The following HERC2 variants were observed in gnomAD, a reference collection of about 807,000 sequenced individuals.
The protein encoded by HERC2 is E3 ubiquitin-protein ligase HERC2.
In HERC2, 102 loss-of-function variants were observed where a neutral mutation model predicts 537.7. That is an observed-to-expected ratio of 0.19 (90% CI 0.16 to 0.22). The LOEUF is 0.22. Ranked by LOEUF, HERC2 falls within the 10% of genes least tolerant of loss-of-function variation. The pLI is 1.00. For missense variants in HERC2, 4,236 were observed against 6,198.2 expected (o/e 0.68, Z 10.63); for synonymous variants, 2,224 against 2,466.2 (o/e 0.90, Z 2.91).
chr15:28,248,434 T>C, intron 21 of HERC2, 118 bp downstream of exon 21: 1 of 646,324 alleles, frequency 1.5e-6, no homozygotes, highest in Non-Finnish European at 2.6e-6. Context: ...GCCCCAAAAT[T>C]GGTGCATTTA....
intron 69 of HERC2, among the ~76,000 whole-genome samples, chr15:28,159,761 T>C (rs1893384500): frequency 6.6e-6 from 1 of 152,240 alleles, no homozygotes; most frequent in African/African-American, 2.4e-5. Flanking sequence ...CCAGCTTTGT[T>C]CCATTGCTGG....
At chr15:28,269,478 C>A (rs1555447018) in intron 10 of HERC2, 42 bp from the exon 11 acceptor site, 5 of 1,500,486 alleles carry the variant, frequency 3.3e-6, no homozygotes, top group Admixed American at 3.6e-5. Context: ...ACAACAACAA[C>A]AATAAAAAAA....
chr15:28,285,489 C>G (rs2076131819), intron 4 of HERC2, among the ~76,000 whole-genome samples: 1 of 151,914 alleles, frequency 6.6e-6, no homozygotes, highest in African/African-American at 2.4e-5. Context: ...AAAATATATT[C>G]TGAACTGAGA....
intron 52 of HERC2, among the ~76,000 whole-genome samples, chr15:28,195,522 C>T (rs1395522998): frequency 7.2e-5 from 11 of 152,154 alleles, no homozygotes; most frequent in East Asian, 5.8e-4. Flanking sequence ...AAAAGGATGA[C>T]GTTCTGACAC....
At chr15:28,240,123 T>A (rs1902909259) in intron 23 of HERC2, among the ~76,000 whole-genome samples, 1 of 152,122 alleles carries the variant, frequency 6.6e-6, no homozygotes, top group South Asian at 2.1e-4. Context: ...AATTATGCTT[T>A]AAAATAATCC....
chr15:28,151,043 G>C (rs7496228), intron 70 of HERC2, among the ~76,000 whole-genome samples: 10,605 of 152,248 alleles, frequency 0.07, 898 homozygotes, highest in East Asian at 0.42. Context: ...TTATGCTCTT[G>C]TAGATGCAGT....
chr15:28,144,257 A>G lies in HERC2; in HGVS notation c.11141-22T>C, dbSNP rs1161272606. The G allele has an allele frequency of 3.1e-6, 5 of 1,609,582 alleles. No individual in the cohort carries two copies. The South Asian group carries it at 4.4e-5, about 14-fold the overall frequency. ...GGGCCTGTGAATGAACACTGTAAACATCCCCGGGTTTCACAAGCTAGGTAC... is the reference window on the plus strand; with the variant it reads ...GGGCCTGTGAATGAACACTGTAAACGTCCCCGGGTTTCACAAGCTAGGTAC... On this transcript the variant is annotated intron_variant, in intron 72 of 92. Coordinates refer to ENST00000261609, the MANE Select transcript of HERC2 (RefSeq NM_004667.6).
In HERC2 at chr15:28,152,661, G is replaced by A. The variant is rs766192909; in HGVS notation, c.10900+16C>T. ...TGGGAAAGGCTGCAGCTCCCCGCTG[G>A]GGCCAGCCCCTGTACCTGGTATCTT... On this transcript the variant is annotated intron_variant, in intron 70 of 92. Coordinates refer to ENST00000261609, the MANE Select transcript of HERC2 (RefSeq NM_004667.6). The A allele has an allele frequency of 6.5e-7, 1 of 1,528,230 alleles. No individual in the cohort carries two copies. Among genetic ancestry groups the A allele is most frequent in the Admixed American group, 2.0e-5 (1 of 49,822 alleles). The allele number at this position is 1,528,230 out of a possible 1,614,324, so 94.7% of individuals were successfully genotyped here.
intron 8 of HERC2, 24 bp from the exon 9 acceptor site, chr15:28,272,410 C>G (rs759589022): frequency 1.9e-6 from 3 of 1,589,802 alleles, no homozygotes; most frequent in Non-Finnish European, 2.6e-6. Context: ...GATATTTATT[C>G]TAGTAAAAAC....
chr15:28,190,175 ATTT>A (rs774381604), intron 55 of HERC2: 4 of 118,294 alleles, frequency 3.4e-5, no homozygotes, highest in South Asian at 2.7e-4. Flanking sequence ...CGCCCGGCTA[ATTT>A]TTTTTTTTTT....
Position 28,130,237 on chromosome 15 carries a change from A to C in HERC2, c.12728T>G (p.Val4243Gly). ...SDDHVRRPRQ[V>G]QGLQGKKVIA... ...GACTTTCTTCCCCTGCAACCCTTGG[A>C]CCTGCCGAGGCCTTCGAACATGGTC... Residue 4243 changes from valine to glycine, a missense_variant, in exon 83 of 93, where the codon GTC becomes GGC. By Grantham distance (109) the Val-to-Gly change is moderately radical. Around this residue, in one of 27 missense-constraint regions of HERC2, gnomAD observed 189 missense variants for 255.7 expected, o/e 0.74. Transcript: ENST00000261609. 1 of 1,614,132 alleles carries C rather than the reference A, an allele frequency of 6.2e-7. No homozygotes were observed. Among genetic ancestry groups the C allele is most frequent in the Non-Finnish European group, 8.5e-7 (1 of 1,180,006 alleles).
At chr15:28,164,688 T>G (rs1893954873) in intron 68 of HERC2, among the ~76,000 whole-genome samples, 1 of 152,188 alleles carries the variant, frequency 6.6e-6, no homozygotes, top group African/African-American at 2.4e-5. Flanking sequence ...TGCCTTAAAT[T>G]CATGAGTCAA....
intron 2 of HERC2, among the ~76,000 whole-genome samples, chr15:28,308,839 A>C (rs2076863203): frequency 6.6e-6 from 1 of 152,232 alleles, no homozygotes; most frequent in Non-Finnish European, 1.5e-5. Context: ...GACATGATGT[A>C]TCACATCAAT....
chr15:28,320,350 G>C (rs1430954701), intron 2 of HERC2: 1 of 152,276 alleles, frequency 6.6e-6, no homozygotes, highest in Non-Finnish European at 1.5e-5. Flanking sequence ...CTGACCTCAG[G>C]GCATCCACCC....
intron 70 of HERC2, among the ~76,000 whole-genome samples, chr15:28,149,269 T>C (rs1487334864): frequency 2.0e-5 from 3 of 150,720 alleles, no homozygotes; most frequent in East Asian, 4.0e-4. Context: ...ACACGTGTTC[T>C]AGTAAAATTA....
rs1288144056 is a variant in HERC2, at chr15:28,143,892, T to A, written c.11399A>T (p.Asp3800Val). ...ININRLLGENDGETRALSFTG... is the reference protein window; with the variant it reads ...ININRLLGENVGETRALSFTG... ...CCATACCAAAGCTCTTGTTTCCCCA[T>A]CATTTTCTCCAAGCAGCCTATTTAT... Residue 3800 changes from aspartate (D) to valine (V), a missense_variant, in exon 74 of 93, where the codon GAT becomes GTT. Physicochemically the swap from Asp to Val is radical, Grantham distance 152 (BLOSUM62 -3). Around this residue, in one of 27 missense-constraint regions of HERC2, gnomAD observed 109 missense variants for 133.5 expected, o/e 0.82. Transcript: ENST00000261609. The A allele has an allele frequency of 1.9e-6, 3 of 1,614,156 alleles. No homozygotes were observed. The highest frequency in any genetic ancestry group is 1.1e-5 in the South Asian group (1 of 91,086).
chr15:28,211,639 G>A (rs1044166480), intron 43 of HERC2, among the ~76,000 whole-genome samples: 45 of 151,982 alleles, frequency 3.0e-4, no homozygotes, highest in Non-Finnish European at 6.2e-4. Flanking sequence ...GGTGCCGCTC[G>A]GACACTGGCT....
At chr15:28,162,352 G>GA (rs1422837856) in intron 69 of HERC2, among the ~76,000 whole-genome samples, 2 of 152,086 alleles carry the variant, frequency 1.3e-5, no homozygotes, top group South Asian at 4.1e-4. Flanking sequence ...AAACTTGGAA[G>GA]AATTTATTTA....
chr15:28,287,910 G>C (rs1387762277), intron 4 of HERC2, among the ~76,000 whole-genome samples: 3 of 151,880 alleles, frequency 2.0e-5, no homozygotes, highest in Admixed American at 6.6e-5. Flanking sequence ...ATCTTTAGTA[G>C]AGACGCTGTT....
Sources: gnomAD v4.1 joint callset for allele counts (sites outside exome capture counted in the v4.1 genomes callset) on GRCh38, gnomAD v4.1.1 for gene constraint, gnomAD v4.1.1 regional missense constraint, MANE v1.5 for transcripts, NCBI Gene and HGNC (gene_info 2026-07-23, HGNC 2026-07-21) for gene names.